EIF2AK2: variants seen among roughly 807,000 people sequenced by gnomAD.
EIF2AK2 encodes eukaryotic translation initiation factor 2 alpha kinase 2, also known as interferon-induced, double-stranded RNA-activated protein kinase.
A neutral mutation model predicts 70.5 loss-of-function variants in EIF2AK2; 40 were observed. The observed-to-expected ratio is 0.57, with a 90% CI of 0.44 to 0.74. The LOEUF is 0.74. Among genes scored for constraint, EIF2AK2 ranks in the 30% least tolerant of loss-of-function variants. The pLI is 0.00. For missense variants in EIF2AK2, 555 were observed against 644.3 expected (o/e 0.86, Z 1.50); for synonymous variants, 198 against 220.9 (o/e 0.90, Z 0.92).
chr2:37,141,745 G>C (rs1375901209), intron 4 of EIF2AK2, 44 bp from the exon 5 acceptor site: 1 of 1,525,094 alleles, frequency 6.6e-7, no homozygotes, highest in Non-Finnish European at 8.8e-7. Flanking sequence ...TGACAACAAA[G>C]ATTTAACCTT....
At chr2:37,144,990 C>T (rs1482201633) in intron 4 of EIF2AK2, among the ~76,000 whole-genome samples, 2 of 150,826 alleles carry the variant, frequency 1.3e-5, no homozygotes, top group South Asian at 2.1e-4. Flanking sequence ...ACCGCTATGC[C>T]CAACCATGAT....
At chr2:37,120,963 C>CAAA (rs70949732) in intron 12 of EIF2AK2, among the ~76,000 whole-genome samples, 1 of 118,750 alleles carries the variant, frequency 8.4e-6, no homozygotes, top group Non-Finnish European at 1.7e-5. Context: ...GACTCTGTCT[C>CAAA]AAAAAAAAAA....
At chr2:37,141,200 A>G (rs1675317919) in intron 5 of EIF2AK2, among the ~76,000 whole-genome samples, 1 of 152,218 alleles carries the variant, frequency 6.6e-6, no homozygotes. Context: ...CATGTGGCAG[A>G]GAGGTTTTCA....
At chr2:37,146,567 T>C (rs558949258) in intron 4 of EIF2AK2, among the ~76,000 whole-genome samples, 233 of 152,222 alleles carry the variant, frequency 1.5e-3, no homozygotes, top group Non-Finnish European at 2.4e-3. Context: ...TGTCAGCTCA[T>C]TTCCCACTGA....
At chr2:37,153,825 G>C (rs1381161682) in intron 1 of EIF2AK2, among the ~76,000 whole-genome samples, 1 of 152,072 alleles carries the variant, frequency 6.6e-6, no homozygotes, top group African/African-American at 2.4e-5. Flanking sequence ...CCCTACTTCT[G>C]AATATTTGTG....
chr2:37,155,706 T>C (rs1558435637), intron 1 of EIF2AK2, among the ~76,000 whole-genome samples: 1 of 152,174 alleles, frequency 6.6e-6, no homozygotes, highest in African/African-American at 2.4e-5. Context: ...AGAAATTATT[T>C]TGGCTATGCC....
chr2:37,129,825 T>C (rs951653011), intron 10 of EIF2AK2, among the ~76,000 whole-genome samples: 1 of 152,172 alleles, frequency 6.6e-6, no homozygotes, highest in African/African-American at 2.4e-5. Context: ...ATCATTCATT[T>C]ATCAACCCTA....
chr2:37,135,538 G>A lies in EIF2AK2; in HGVS notation c.731C>T (p.Ala244Val), dbSNP rs1448331208. 1 of 1,609,566 alleles carries A rather than the reference G, an allele frequency of 6.2e-7. No homozygotes were observed. The highest frequency in any genetic ancestry group is 8.5e-7 in the Non-Finnish European group (1 of 1,177,992). ...NNQRKAKRSL[A>V]PRFDLPDMKE... ...CATGTCAGGAAGGTCAAATCTGGGT[G>A]CCAAAGATCTAAAAATTAAGAGTTG... Residue 244 changes from alanine (A) to valine (V), a missense_variant, in exon 10 of 17, where the codon GCA (alanine) becomes GTA (valine). Around this residue, in one of 3 missense-constraint regions of EIF2AK2, gnomAD observed 299 missense variants for 375.4 expected, o/e 0.80. Transcript: ENST00000233057.
intron 1 of EIF2AK2, among the ~76,000 whole-genome samples, chr2:37,150,588 C>T (rs542597982): frequency 8.5e-5 from 13 of 152,150 alleles, no homozygotes; most frequent in South Asian, 2.1e-4. Flanking sequence ...AAATGAGGAC[C>T]GCTTGTAGCC....
intron 11 of EIF2AK2, among the ~76,000 whole-genome samples, chr2:37,125,751 C>T (rs1201907927): frequency 6.6e-6 from 1 of 152,204 alleles, no homozygotes. Context: ...CACAATCAAC[C>T]CATGGAACCA....
chr2:37,146,761 G>C (rs1573038241), intron 4 of EIF2AK2, 92 bp downstream of exon 4: 1 of 1,488,040 alleles, frequency 6.7e-7, no homozygotes, highest in Non-Finnish European at 9.1e-7. Flanking sequence ...CGTGTGAATG[G>C]CTTTACTCTG....
chr2:37,156,198 G>C (rs914365544), intron 1 of EIF2AK2, among the ~76,000 whole-genome samples: 6 of 152,156 alleles, frequency 3.9e-5, no homozygotes, highest in African/African-American at 9.7e-5. Context: ...AGAGGCTGGA[G>C]GATGCTTGGC....
chr2:37,140,579 C>G (rs976318458), intron 5 of EIF2AK2, among the ~76,000 whole-genome samples: 1 of 151,156 alleles, frequency 6.6e-6, no homozygotes, highest in Admixed American at 6.6e-5. Flanking sequence ...ATTTCTATAG[C>G]TCCTATTTTT....
chr2:37,119,769 T>C (rs940240649), intron 13 of EIF2AK2, among the ~76,000 whole-genome samples, 190 bp downstream of exon 13: 5 of 151,804 alleles, frequency 3.3e-5, no homozygotes, highest in Non-Finnish European at 7.4e-5. Flanking sequence ...TTTTTGTATT[T>C]TTAGTAGAGA....
chr2:37,156,374 A>G (rs1675926607), intron 1 of EIF2AK2, among the ~76,000 whole-genome samples: 1 of 152,126 alleles, frequency 6.6e-6, no homozygotes, highest in Admixed American at 6.5e-5. Context: ...AACATTCCAG[A>G]TGCTGAGGTG....
rs11124560 is a variant in EIF2AK2 at position 37,121,069 on chromosome 2, C to T, written c.1068-930G>A. Among the ~76,000 whole-genome samples the T allele has an allele frequency of 0.034, 5,037 of 148,830 alleles. 954 individuals carry two copies. The East Asian group carries it at 0.53, about 16-fold the overall frequency. Reference sequence around the variant, plus strand: ...ACGAGGTCAGGAGATCAAGACCATCCTGGCTAACACGGTGAAATCCCGTCT... The same window carrying T: ...ACGAGGTCAGGAGATCAAGACCATCTTGGCTAACACGGTGAAATCCCGTCT... On this transcript the variant is annotated intron_variant, in intron 12 of 16. Coordinates refer to ENST00000233057, the MANE Select transcript of EIF2AK2 (RefSeq NM_001135651.3).
chr2:37,112,132 G>A (rs1674184832), intron 14 of EIF2AK2, among the ~76,000 whole-genome samples: 1 of 151,780 alleles, frequency 6.6e-6, no homozygotes, highest in Admixed American at 6.6e-5. Context: ...AGCAGAACAT[G>A]TAAAAGCCAT....
At chr2:37,126,456 C>T in intron 10 of EIF2AK2, 45 bp from the exon 11 acceptor site, 2 of 1,581,706 alleles carry the variant, frequency 1.3e-6, no homozygotes, top group Non-Finnish European at 1.7e-6. Flanking sequence ...CATGCTCAAC[C>T]CCCACCCCCC....
intron 2 of EIF2AK2, 110 bp downstream of exon 2, chr2:37,148,747 G>C: frequency 4.8e-6 from 4 of 835,860 alleles, no homozygotes; most frequent in Non-Finnish European, 8.4e-6. Flanking sequence ...TACAGAAGTC[G>C]TGTTGTGACC....
Sources: allele counts gnomAD v4.1 joint callset (sites outside exome capture counted in the v4.1 genomes callset), GRCh38; gene constraint gnomAD v4.1.1; regional missense constraint gnomAD v4.1.1; transcripts MANE v1.5; gene names NCBI Gene and HGNC (gene_info 2026-07-23, HGNC 2026-07-21).